SOX5: variants seen among roughly 807,000 people sequenced by gnomAD.
SOX5 encodes SRY-box transcription factor 5, also known as transcription factor SOX-5.
In SOX5, 9 loss-of-function variants were observed where a neutral mutation model predicts 92.0. That is an observed-to-expected ratio of 0.10 (90% CI 0.06 to 0.17). The LOEUF (loss-of-function observed/expected upper bound fraction) is 0.17, where lower values mean the gene tolerates loss of function less well. Among genes scored for constraint, SOX5 ranks in the 10% least tolerant of loss-of-function variants. The probability of loss-of-function intolerance (pLI) is 1.00; values close to 1 mark genes in which losing one functional copy is unlikely to be tolerated. For missense variants in SOX5, 642 were observed against 944.5 expected (o/e 0.68, Z 4.20); for synonymous variants, 344 against 336.3 (o/e 1.02, Z -0.25).
intron 4 of SOX5, among the ~76,000 whole-genome samples, chr12:24,014,804 A>C (rs1953384986): frequency 6.6e-6 from 1 of 152,156 alleles, no homozygotes; most frequent in Non-Finnish European, 1.5e-5. Context: ...TAAATTCACA[A>C]TCTGGGGGCC....
At chr12:23,791,881 C>T (rs2095481061) in intron 3 of SOX5, among the ~76,000 whole-genome samples, 1 of 151,262 alleles carries the variant, frequency 6.6e-6, no homozygotes, top group African/African-American at 2.4e-5. Flanking sequence ...ATAGGTATCA[C>T]TTTTTTGAAA....
chr12:23,535,601 T>G (rs1010703592), intron 14 of SOX5, among the ~76,000 whole-genome samples: 3 of 152,248 alleles, frequency 2.0e-5, no homozygotes, highest in Non-Finnish European at 2.9e-5. Context: ...GCCCAAGAAC[T>G]GTTGGGCATT....
rs145006408 is a variant in SOX5, at chr12:24,150,509, T to C, written c.-2+62834A>G. Among the ~76,000 whole-genome samples, 324 of 152,212 alleles carry C rather than the reference T, an allele frequency of 2.1e-3. 2 individuals carry two copies. The highest frequency in any genetic ancestry group is 7.1e-3 in the African/African-American group (294 of 41,520). On this transcript the variant is annotated intron_variant, in intron 4 of 4. Coordinates refer to the SOX5 transcript ENST00000446891. ...AATTTGGTGACCACGAGCATTTCAGTAGCAGTCAAAGCCATTGACCTGAAT... is the reference window on the plus strand; with the variant it reads ...AATTTGGTGACCACGAGCATTTCAGCAGCAGTCAAAGCCATTGACCTGAAT...
chr12:23,934,834 A>G (rs1350089545), intron 1 of SOX5, among the ~76,000 whole-genome samples: 2 of 151,342 alleles, frequency 1.3e-5, no homozygotes, highest in African/African-American at 4.8e-5. Context: ...CACAGATTAA[A>G]GAATTAAGGC....
chr12:23,972,578 C>G (rs139010242), intron 4 of SOX5, among the ~76,000 whole-genome samples: 1 of 152,004 alleles, frequency 6.6e-6, no homozygotes, highest in Non-Finnish European at 1.5e-5. Flanking sequence ...AGGCTAGTCT[C>G]GAACTCCTAA....
chr12:23,603,445 A>AATATATAT (rs72370535), intron 9 of SOX5, among the ~76,000 whole-genome samples: 19 of 124,844 alleles, frequency 1.5e-4, no homozygotes, highest in East Asian at 1.1e-3. Flanking sequence ...ATATATATAA[A>AATATATAT]ATATATATAT....
chr12:24,108,370 T>C (rs1468914820), intron 4 of SOX5, among the ~76,000 whole-genome samples: 8 of 152,300 alleles, frequency 5.3e-5, no homozygotes, highest in African/African-American at 1.9e-4. Context: ...ATCATTACTG[T>C]CATCAAGAAA....
At chr12:23,578,391 C>T (rs537378158) in intron 9 of SOX5, among the ~76,000 whole-genome samples, 7 of 151,398 alleles carry the variant, frequency 4.6e-5, no homozygotes, top group South Asian at 2.1e-4. Context: ...TCCCAGCAAC[C>T]TGTGTTTAAC....
At chr12:24,145,065 C>T (rs2138721608) in intron 4 of SOX5, among the ~76,000 whole-genome samples, 1 of 151,516 alleles carries the variant, frequency 6.6e-6, no homozygotes, top group East Asian at 1.9e-4. Context: ...TTGCACTCCA[C>T]CCTGTGAAAC....
At chr12:23,810,954 A>C (rs1039353173) in intron 3 of SOX5, among the ~76,000 whole-genome samples, 2 of 152,160 alleles carry the variant, frequency 1.3e-5, no homozygotes, top group Admixed American at 6.6e-5. Flanking sequence ...TATGTCATAC[A>C]AGAGTTTGCA....
chr12:23,955,473 G>A (rs1423404354), upstream of SOX5, among the ~76,000 whole-genome samples: 1 of 152,044 alleles, frequency 6.6e-6, no homozygotes, highest in Non-Finnish European at 1.5e-5. Flanking sequence ...ACAATCTCAG[G>A]TAAAACCCAG....
At chr12:24,444,878 C>A (rs1013722175) in intron 1 of SOX5, among the ~76,000 whole-genome samples, 2 of 152,176 alleles carry the variant, frequency 1.3e-5, no homozygotes, top group Non-Finnish European at 2.9e-5. Context: ...CTTCCTGAGC[C>A]TTGCATAAGC....
At chr12:23,563,146 G>A in intron 11 of SOX5, 112 bp downstream of exon 11, 1 of 882,854 alleles carries the variant, frequency 1.1e-6, no homozygotes, top group Non-Finnish European at 1.7e-6. Context: ...GGGAGAAAAG[G>A]GACAGAGAAT....
At chr12:24,065,389 C>T (rs552957364) in intron 4 of SOX5, among the ~76,000 whole-genome samples, 1 of 152,074 alleles carries the variant, frequency 6.6e-6, no homozygotes, top group Non-Finnish European at 1.5e-5. Context: ...TGGCTCATGC[C>T]ATTAATCCCA....
chr12:24,113,491 C>A (rs1947618415), intron 4 of SOX5, among the ~76,000 whole-genome samples: 1 of 151,980 alleles, frequency 6.6e-6, no homozygotes, highest in African/African-American at 2.4e-5. Flanking sequence ...AGGCCTTTGG[C>A]TCAAATAATC....
intron 2 of SOX5, among the ~76,000 whole-genome samples, chr12:23,894,201 C>A (rs2097155643): frequency 6.6e-6 from 1 of 151,964 alleles, no homozygotes; most frequent in African/African-American, 2.4e-5. Flanking sequence ...ATATGTCTGA[C>A]ATATGAGTTA....
At chr12:23,940,065 C>G (rs1372144647) in intron 1 of SOX5, among the ~76,000 whole-genome samples, 1 of 151,076 alleles carries the variant, frequency 6.6e-6, no homozygotes, top group African/African-American at 2.4e-5. Context: ...TTCTTTTATC[C>G]TTATAAACAG....
intron 7 of SOX5, among the ~76,000 whole-genome samples, chr12:23,663,915 A>G (rs2083418473): frequency 6.6e-6 from 1 of 152,150 alleles, no homozygotes; most frequent in Admixed American, 6.6e-5. Flanking sequence ...AAATAATATT[A>G]GATGAATAAA....
intron 1 of SOX5, among the ~76,000 whole-genome samples, chr12:23,901,797 A>G (rs1489876578): frequency 6.6e-6 from 1 of 152,240 alleles, no homozygotes; most frequent in Non-Finnish European, 1.5e-5. Context: ...TACATGTTAC[A>G]TGAATAGCTA....
Sources: allele counts gnomAD v4.1 joint callset (sites outside exome capture counted in the v4.1 genomes callset), GRCh38; gene constraint gnomAD v4.1.1; transcripts MANE v1.5; gene names NCBI Gene and HGNC (gene_info 2026-07-23, HGNC 2026-07-21).